Variants in VAV3 observed in about 807,000 individuals in gnomAD.
VAV3 encodes vav guanine nucleotide exchange factor 3, also known as guanine nucleotide exchange factor VAV3.
Under a neutral mutation model 131.2 loss-of-function variants are expected in VAV3, and 94 were observed. That is an observed-to-expected ratio of 0.72 (90% CI 0.61 to 0.85). VAV3 has a LOEUF of 0.85. Among genes scored for constraint, VAV3 ranks in the 40% least tolerant of loss-of-function variants. VAV3 has a pLI of 0.00. For missense variants in VAV3, 939 were observed against 1,002.7 expected, an observed-to-expected ratio of 0.94 and a Z score of 0.86; for synonymous variants, 349 against 342.0, an observed-to-expected ratio of 1.02 and a Z score of -0.22.
intron 2 of VAV3, among the ~76,000 whole-genome samples, chr1:107,833,576 T>G (rs1668351483): frequency 6.6e-6 from 1 of 152,238 alleles, no homozygotes; most frequent in African/African-American, 2.4e-5. Context: ...TAATTTTTAC[T>G]TATGTATGTC....
At chr1:107,960,244 G>A (rs894401033) in intron 1 of VAV3, among the ~76,000 whole-genome samples, 3 of 152,136 alleles carry the variant, frequency 2.0e-5, no homozygotes, top group Admixed American at 6.5e-5. Context: ...AAGGCGGGTG[G>A]ACTGCCTGAG....
chr1:107,686,130 A>T (rs1280134359), intron 18 of VAV3, among the ~76,000 whole-genome samples: 5 of 148,634 alleles, frequency 3.4e-5, no homozygotes, highest in East Asian at 1.9e-4. Context: ...CTTTCCCTCT[A>T]AAAAAAAAGG....
At chr1:107,798,860 T>C (rs1343826734) in intron 2 of VAV3, among the ~76,000 whole-genome samples, 1 of 152,066 alleles carries the variant, frequency 6.6e-6, no homozygotes, top group African/African-American at 2.4e-5. Context: ...ATTTTACTGA[T>C]AGGTATACAT....
intron 1 of VAV3, among the ~76,000 whole-genome samples, chr1:107,925,357 T>A (rs1673098285): frequency 6.6e-6 from 1 of 152,182 alleles, no homozygotes; most frequent in African/African-American, 2.4e-5. Context: ...CACTTTAATT[T>A]AAAAGTTGAA....
At chr1:107,918,686 CATATAT>C (rs67156403) in intron 1 of VAV3, among the ~76,000 whole-genome samples, 25 of 134,332 alleles carry the variant, frequency 1.9e-4, no homozygotes, top group African/African-American at 6.8e-4. Context: ...ATTTTTAAGG[CATATAT>C]ATATATATAT....
At chr1:107,682,309 T>C (rs1658693684) in intron 19 of VAV3, among the ~76,000 whole-genome samples, 1 of 152,098 alleles carries the variant, frequency 6.6e-6, no homozygotes, top group Non-Finnish European at 1.5e-5. Flanking sequence ...TTATAAAGGT[T>C]AAGTAATTTT....
intron 2 of VAV3, among the ~76,000 whole-genome samples, chr1:107,798,718 CAAAAAAA>C (rs57288177): frequency 2.0e-5 from 1 of 49,522 alleles, no homozygotes; most frequent in Non-Finnish European, 3.4e-5. Context: ...GACTCCCTCT[CAAAAAAA>C]AAAAAAAAAA....
intron 17 of VAV3, among the ~76,000 whole-genome samples, chr1:107,696,664 A>AG (rs563959989): frequency 8.5e-4 from 129 of 152,218 alleles, no homozygotes; most frequent in African/African-American, 2.7e-3. Context: ...TTTAATATTA[A>AG]GGGGGGGTCT....
At chr1:107,672,819 T>C (rs1008281686) in intron 19 of VAV3, among the ~76,000 whole-genome samples, 17 of 152,200 alleles carry the variant, frequency 1.1e-4, no homozygotes, top group African/African-American at 3.6e-4. Context: ...TCAACTACTA[T>C]GATATGATAG....
At chr1:107,915,228 T>C (rs1045073848) in intron 1 of VAV3, among the ~76,000 whole-genome samples, 3 of 152,198 alleles carry the variant, frequency 2.0e-5, no homozygotes, top group South Asian at 2.1e-4. Flanking sequence ...ATTGTGGTAA[T>C]GGGAAAAGAG....
At chr1:107,711,193 G>A (rs1660763009) in intron 15 of VAV3, among the ~76,000 whole-genome samples, 1 of 152,132 alleles carries the variant, frequency 6.6e-6, no homozygotes, top group Admixed American at 6.5e-5. Flanking sequence ...TAAAACTAAT[G>A]AGAGATGAAG....
intron 15 of VAV3, among the ~76,000 whole-genome samples, chr1:107,746,129 T>G (rs1417974943): frequency 6.6e-6 from 1 of 152,206 alleles, no homozygotes; most frequent in African/African-American, 2.4e-5. Context: ...ACCTATATTA[T>G]TCTATTTTTA....
intron 1 of VAV3, among the ~76,000 whole-genome samples, chr1:107,948,660 A>G (rs990300143): frequency 1.1e-4 from 16 of 152,196 alleles, no homozygotes; most frequent in Non-Finnish European, 1.9e-4. Context: ...CCTAGCCAAC[A>G]TGGCGAAATC....
intron 1 of VAV3, among the ~76,000 whole-genome samples, chr1:107,962,317 G>A (rs1201904509): frequency 6.6e-6 from 1 of 150,638 alleles, no homozygotes; most frequent in Non-Finnish European, 1.5e-5. Context: ...CCAAGAAAGA[G>A]ATGAGTAGTT....
At chr1:107,703,702 C>T (rs898393821) in intron 17 of VAV3, among the ~76,000 whole-genome samples, 17 of 152,214 alleles carry the variant, frequency 1.1e-4, no homozygotes, top group African/African-American at 3.6e-4. Flanking sequence ...TCAATGTCCA[C>T]CTTTTCCTTT....
intron 1 of VAV3, among the ~76,000 whole-genome samples, chr1:107,963,840 T>G (rs1675269136): frequency 6.6e-6 from 1 of 152,168 alleles, no homozygotes; most frequent in Non-Finnish European, 1.5e-5. Flanking sequence ...ACAAATAAAC[T>G]ACTCTTCCAC....
chr1:107,858,702 G>A lies in VAV3; in HGVS notation c.321+16199C>T, dbSNP rs1250937746. ...CCCCAAACCATTCCCCCAGTACTCG[G>A]TCCATGGAAAAATTTTCTTCCATGA... On this transcript the variant is annotated intron_variant, in intron 2 of 26. Transcript: ENST00000370056. 2.6e-5 allele frequency among the ~76,000 whole-genome samples: 4 copies of A among 152,162 alleles called. No homozygotes were observed. In the East Asian group the frequency reaches 7.7e-4, roughly 29 times the overall value.
chr1:107,747,925 C>T (rs74761871), intron 15 of VAV3, among the ~76,000 whole-genome samples: 10 of 151,770 alleles, frequency 6.6e-5, no homozygotes, highest in East Asian at 1.9e-4. Context: ...TACATTAACA[C>T]GAGCATTTCT....
intron 15 of VAV3, among the ~76,000 whole-genome samples, chr1:107,746,901 A>T (rs1663382868): frequency 6.7e-6 from 1 of 149,960 alleles, no homozygotes; most frequent in African/African-American, 2.5e-5. Context: ...TTTTTTCAAG[A>T]CGGAGTCTCA....
Sources: allele counts gnomAD v4.1 joint callset (sites outside exome capture counted in the v4.1 genomes callset), GRCh38; gene constraint gnomAD v4.1.1; transcripts MANE v1.5; gene names NCBI Gene and HGNC (gene_info 2026-07-23, HGNC 2026-07-21).